Variants in MMP16 observed in about 807,000 individuals in gnomAD.
The protein encoded by MMP16 is matrix metallopeptidase 16.
A neutral mutation model predicts 67.8 loss-of-function variants in MMP16; 12 were observed. That is an observed-to-expected ratio of 0.18 (90% CI 0.11 to 0.29). MMP16 has a LOEUF of 0.29. Among genes scored for constraint, MMP16 ranks in the 10% least tolerant of loss-of-function variants. MMP16 has a pLI of 1.00. For missense variants in MMP16, 475 were observed against 765.7 expected (o/e 0.62, Z 4.48); for synonymous variants, 249 against 255.9 (o/e 0.97, Z 0.26).
intron 2 of MMP16, among the ~76,000 whole-genome samples, chr8:88,190,609 A>G (rs1015053151): frequency 2.0e-5 from 3 of 152,196 alleles, no homozygotes; most frequent in African/African-American, 7.2e-5. Context: ...AGGCACCAAA[A>G]TGTTAGTAGC....
intron 6 of MMP16, among the ~76,000 whole-genome samples, chr8:88,084,921 C>A (rs1477618519): frequency 6.6e-6 from 1 of 151,710 alleles, no homozygotes; most frequent in Non-Finnish European, 1.5e-5. Flanking sequence ...AGATTTGCTA[C>A]TATAAAAAAG....
At chr8:88,315,299 C>G (rs994358459) in intron 1 of MMP16, among the ~76,000 whole-genome samples, 1 of 152,126 alleles carries the variant, frequency 6.6e-6, no homozygotes, top group African/African-American at 2.4e-5. Context: ...ATATTTCAAG[C>G]TTTTTCATTA....
At chr8:88,115,739 C>G (rs1809417907) in intron 6 of MMP16, among the ~76,000 whole-genome samples, 1 of 151,926 alleles carries the variant, frequency 6.6e-6, no homozygotes, top group Admixed American at 6.6e-5. Flanking sequence ...TGCCAACATA[C>G]AAACTTACTT....
chr8:88,241,791 CAGAGT>C (rs1586222180), intron 1 of MMP16, among the ~76,000 whole-genome samples: 2 of 152,062 alleles, frequency 1.3e-5, no homozygotes, highest in Non-Finnish European at 2.9e-5. Flanking sequence ...ATGATCAAAT[CAGAGT>C]AATTAGTGTA....
chr8:88,229,057 A>G (rs1809815467), intron 1 of MMP16, among the ~76,000 whole-genome samples: 1 of 151,916 alleles, frequency 6.6e-6, no homozygotes. Context: ...GCTACTCATG[A>G]GACAGAGGTG....
At chr8:88,067,545 T>C (rs1446815667) in intron 7 of MMP16, among the ~76,000 whole-genome samples, 2 of 151,962 alleles carry the variant, frequency 1.3e-5, no homozygotes, top group Non-Finnish European at 2.9e-5. Context: ...AAAATGAACA[T>C]TTCATCATTC....
chr8:88,164,501 A>G (rs1259057737), intron 4 of MMP16, among the ~76,000 whole-genome samples: 1 of 152,094 alleles, frequency 6.6e-6, no homozygotes, highest in Admixed American at 6.6e-5. Context: ...ACACTACTCT[A>G]GCTGCCCTGC....
intron 2 of MMP16, among the ~76,000 whole-genome samples, chr8:88,193,315 TATTGC>T (rs1376930837): frequency 2.0e-5 from 3 of 152,068 alleles, no homozygotes; most frequent in Non-Finnish European, 2.9e-5. Context: ...AAAAGACAAA[TATTGC>T]ATTGCATGTT....
intron 3 of MMP16, among the ~76,000 whole-genome samples, chr8:88,171,861 C>G (rs1444662789): frequency 6.8e-6 from 1 of 147,136 alleles, no homozygotes. Context: ...GAGTCTCATT[C>G]TGTCACCTAG....
chr8:88,221,082 A>T (rs1444734263), intron 1 of MMP16, among the ~76,000 whole-genome samples: 1 of 151,968 alleles, frequency 6.6e-6, no homozygotes, highest in Non-Finnish European at 1.5e-5. Flanking sequence ...TAGGAATACC[A>T]GCCATGGTAG....
rs961611080 is a variant in MMP16 at position 88,036,893 on chromosome 8, C to T, written c.*4568G>A. 3.3e-5 allele frequency: 5 copies of T among 151,602 alleles called. No homozygotes were observed. Among genetic ancestry groups the T allele is most frequent in the Non-Finnish European group, 5.9e-5 (4 of 67,722 alleles). 9.4% of individuals were successfully genotyped at this position (151,602 alleles called of 1,614,324 possible). On this transcript the variant is annotated 3_prime_UTR_variant, in exon 10 of 10. Coordinates refer to ENST00000286614, the MANE Select transcript of MMP16 (RefSeq NM_005941.5). Reference sequence around the variant, plus strand: ...CAGAAGATTGTTTCAGTATATACTACAATCTCACAGACTCAATACTACCAG... The same window carrying T: ...CAGAAGATTGTTTCAGTATATACTATAATCTCACAGACTCAATACTACCAG...
At chr8:88,129,934 A>G (rs1443123457) in intron 4 of MMP16, among the ~76,000 whole-genome samples, 3 of 151,728 alleles carry the variant, frequency 2.0e-5, no homozygotes, top group African/African-American at 7.2e-5. Flanking sequence ...GTGATTACCC[A>G]GAGCTTGAAA....
intron 1 of MMP16, among the ~76,000 whole-genome samples, chr8:88,319,693 C>T (rs150267597): frequency 2.5e-4 from 38 of 152,234 alleles, no homozygotes; most frequent in African/African-American, 8.2e-4. Flanking sequence ...ATTGACATCA[C>T]ATCAGGTGCA....
chr8:88,249,118 C>T (rs890166777), intron 1 of MMP16, among the ~76,000 whole-genome samples: 1 of 151,756 alleles, frequency 6.6e-6, no homozygotes, highest in Non-Finnish European at 1.5e-5. Context: ...GGACACTGAG[C>T]TGGAAAGGCA....
At chr8:88,141,031 C>A (rs1442937469) in intron 4 of MMP16, among the ~76,000 whole-genome samples, 2 of 152,076 alleles carry the variant, frequency 1.3e-5, no homozygotes, top group Non-Finnish European at 2.9e-5. Context: ...TAATGCAACA[C>A]AGAGAAAATA....
intron 1 of MMP16, among the ~76,000 whole-genome samples, chr8:88,315,324 T>C (rs567098749): frequency 1.0e-3 from 156 of 152,334 alleles, no homozygotes; most frequent in South Asian, 1.7e-3. Context: ...ATATCTGTTA[T>C]GGTGATCTGT....
chr8:88,134,270 G>A (rs538075377), intron 4 of MMP16, among the ~76,000 whole-genome samples: 11 of 151,728 alleles, frequency 7.2e-5, no homozygotes, highest in South Asian at 2.1e-4. Context: ...TTAAAGACAC[G>A]TAGCTCTTAG....
chr8:88,119,364 C>T (rs2664360), intron 4 of MMP16, among the ~76,000 whole-genome samples: 56,656 of 151,774 alleles, frequency 0.37, 11,503 homozygotes, highest in East Asian at 0.48. Flanking sequence ...GATATTTTGA[C>T]TCCTAGACTA....
At chr8:88,322,321 T>G (rs1382190528) in intron 1 of MMP16, among the ~76,000 whole-genome samples, 3 of 152,178 alleles carry the variant, frequency 2.0e-5, no homozygotes, top group African/African-American at 7.2e-5. Context: ...GAAAATCACA[T>G]TCTTGAACTA....
Sources: allele counts gnomAD v4.1 joint callset (sites outside exome capture counted in the v4.1 genomes callset), GRCh38; gene constraint gnomAD v4.1.1; transcripts MANE v1.5; gene names NCBI Gene and HGNC (gene_info 2026-07-23, HGNC 2026-07-21).